Variants in IL5RA observed in about 807,000 individuals in gnomAD.
The protein encoded by IL5RA is interleukin 5 receptor subunit alpha, also known as interleukin-5 receptor subunit alpha.
IL5RA carries 49 observed loss-of-function variants against 50.0 expected under a neutral mutation model. That is an observed-to-expected ratio of 0.98 (90% confidence interval 0.78 to 1.24). IL5RA has a LOEUF of 1.24. IL5RA is among the 50% of genes most tolerant of loss of function. The pLI, the probability that IL5RA is intolerant of heterozygous loss-of-function variation, is 0.00. For missense variants in IL5RA, 600 were observed against 500.4 expected (o/e 1.20, Z -1.90); for synonymous variants, 202 against 174.0 (o/e 1.16, Z -1.26).
At chr3:3,100,489 A>G (rs9831572) in intron 5 of IL5RA, among the ~76,000 whole-genome samples, 103,787 of 152,086 alleles carry the variant, frequency 0.68, 35,539 homozygotes, top group South Asian at 0.84. Context: ...ATATTTGTCC[A>G]TGCATTAAAT....
chr3:3,101,689 T>C lies in IL5RA; in HGVS notation c.367+3A>G, dbSNP rs571768918. On this transcript the variant is annotated splice_donor_region_variant and intron_variant, in intron 5 of 11. Transcript: ENST00000446632. ...AAACTGGACTTTTGGAGGCCTGCTT[T>C]ACCTGGTGGGGCATGAAGTTCAGCA... 4.3e-6 allele frequency: 7 copies of C among 1,612,056 alleles called. No homozygotes were observed. The South Asian group carries it at 6.6e-5, about 15-fold the overall frequency.
rs771776256 is a variant in IL5RA, at chr3:3,101,716, A to C, written c.343T>G (p.Ser115Ala). The C allele has an allele frequency of 1.9e-6, 3 of 1,614,112 alleles. No homozygotes were observed. The highest frequency in any genetic ancestry group is 1.1e-5 in the South Asian group (1 of 91,070). The change falls in exon 5 of 12, where the codon TCT (serine) becomes GCT (alanine). Residue 115 changes from serine to alanine, a missense_variant. Transcript: ENST00000446632. ...DHSLLASSWASAELHAPPGSP... is the reference protein window; with the variant it reads ...DHSLLASSWAAAELHAPPGSP... ...CCTGGTGGGGCATGAAGTTCAGCAGAAGCCCAGCTGCTGGCCAGTAGTGAG... is the reference window on the plus strand; with the variant it reads ...CCTGGTGGGGCATGAAGTTCAGCAGCAGCCCAGCTGCTGGCCAGTAGTGAG...
intron 4 of IL5RA, 52 bp downstream of exon 4, chr3:3,102,623 T>C: frequency 7.8e-7 from 1 of 1,281,814 alleles, no homozygotes; most frequent in Non-Finnish European, 1.1e-6. Flanking sequence ...GAAAATGCAG[T>C]CAAAATGCAT....
chr3:3,090,530 A>G (rs1703042749), intron 9 of IL5RA, among the ~76,000 whole-genome samples: 1 of 148,808 alleles, frequency 6.7e-6, no homozygotes, highest in Non-Finnish European at 1.5e-5. Flanking sequence ...AATAGCAAAC[A>G]CAGGGTTTGA....
chr3:3,085,440 A>C (rs1181941493), intron 9 of IL5RA, among the ~76,000 whole-genome samples: 3 of 152,184 alleles, frequency 2.0e-5, no homozygotes, highest in Admixed American at 1.3e-4. Context: ...AACAAGAAAA[A>C]GCTGCTGAAG....
chr3:3,070,743 C>T (rs1369653685), intron 11 of IL5RA, among the ~76,000 whole-genome samples: 4 of 151,796 alleles, frequency 2.6e-5, no homozygotes, highest in Non-Finnish European at 4.4e-5. Flanking sequence ...CCACCATGCC[C>T]GGCTAATTTT....
chr3:3,082,218 G>T (rs893827972), intron 9 of IL5RA, among the ~76,000 whole-genome samples: 2 of 152,166 alleles, frequency 1.3e-5, no homozygotes, highest in Non-Finnish European at 2.9e-5. Context: ...AAATTTGGGA[G>T]ATCCCGTAGT....
At chr3:3,082,967 T>C (rs1423154162) in intron 9 of IL5RA, among the ~76,000 whole-genome samples, 3 of 152,322 alleles carry the variant, frequency 2.0e-5, no homozygotes, top group East Asian at 1.9e-4. Flanking sequence ...AGTAAATTGA[T>C]GGGATGCTTC....
intron 11 of IL5RA, among the ~76,000 whole-genome samples, chr3:3,070,687 A>T (rs569479294): frequency 6.9e-6 from 1 of 145,580 alleles, no homozygotes; most frequent in African/African-American, 2.6e-5. Flanking sequence ...GGTTCAAGTG[A>T]TTCTCCTGCC....
intron 7 of IL5RA, among the ~76,000 whole-genome samples, chr3:3,096,323 T>C (rs1379943783): frequency 4.0e-5 from 6 of 149,250 alleles, no homozygotes; most frequent in African/African-American, 1.5e-4. Flanking sequence ...TGGATTGGGC[T>C]AAATTTGTCT....
At chr3:3,077,213 G>C (rs1292634437) in intron 9 of IL5RA, among the ~76,000 whole-genome samples, 1 of 152,202 alleles carries the variant, frequency 6.6e-6, no homozygotes, top group Non-Finnish European at 1.5e-5. Context: ...CATTAAGTCA[G>C]TACAGAAAGT....
intron 8 of IL5RA, 148 bp downstream of exon 8, chr3:3,095,151 G>C: frequency 1.6e-6 from 1 of 613,228 alleles, no homozygotes; most frequent in Non-Finnish European, 2.8e-6. Context: ...TATCTATTTG[G>C]TTATATCTAT....
At chr3:3,074,671 T>C (rs1255175537) in intron 11 of IL5RA, 111 bp downstream of exon 11, 2 of 620,298 alleles carry the variant, frequency 3.2e-6, no homozygotes, top group African/African-American at 3.8e-5. Flanking sequence ...GCTCCTGGCC[T>C]TCTGAGTAAA....
intron 9 of IL5RA, among the ~76,000 whole-genome samples, chr3:3,084,792 T>A (rs1702792522): frequency 1.3e-5 from 2 of 152,262 alleles, no homozygotes. Flanking sequence ...CCTCTCTGCA[T>A]CTGTTTTCTC....
intron 9 of IL5RA, among the ~76,000 whole-genome samples, chr3:3,090,490 C>G (rs1345742909): frequency 6.6e-6 from 1 of 151,390 alleles, no homozygotes; most frequent in African/African-American, 2.4e-5. Flanking sequence ...TCATACAATG[C>G]CTATGTTGAC....
Position 3,098,243 on chromosome 3 carries a change from T to C in IL5RA, c.415A>G (p.Thr139Ala). ...IVNLTCTTNTTEDNYSRLRSY... is the reference protein window; with the variant it reads ...IVNLTCTTNTAEDNYSRLRSY... ...CTTAAACGTGAATAATTGTCTTCTG[T>C]AGTGTTTGTGGTGCAAGTTAAATTC... Residue 139 changes from threonine (T) to alanine (A), a missense_variant, in exon 6 of 12, where the codon ACA becomes GCA. By Grantham distance (58) the Thr-to-Ala change is moderately conservative. Coordinates refer to ENST00000446632, the MANE Select transcript of IL5RA (RefSeq NM_175726.4). 1 of 1,614,064 alleles carries C rather than the reference T, an allele frequency of 6.2e-7. No homozygotes were observed. The highest frequency in any genetic ancestry group is 8.5e-7 in the Non-Finnish European group (1 of 1,179,910).
chr3:3,068,599 A>AAAAAAC lies in IL5RA; in HGVS notation c.*1625_*1626insGTTTTT, dbSNP rs1702199298. 1 of 129,642 alleles carries AAAAAAC rather than the reference A, an allele frequency of 7.7e-6. No homozygotes were observed. The allele number at this position is 129,642 out of a possible 1,614,324, so 8.0% of individuals were successfully genotyped here. Reference sequence around the variant, plus strand: ...ACCACCCACCCCACAAAAAAAAAAAAAAAAAAAAACAAAAACAGGTTTGAG... The same window carrying AAAAAAC: ...ACCACCCACCCCACAAAAAAAAAAAAAAAAACAAAAAAAAACAAAAACAGGTTTGAG... On this transcript the variant is annotated 3_prime_UTR_variant, in exon 12 of 12. Coordinates refer to ENST00000446632, the MANE Select transcript of IL5RA (RefSeq NM_175726.4).
Position 3,107,692 on chromosome 3 carries a change from TTGCTCATATAAC to T in IL5RA, c.-4+846_-4+857del, listed in dbSNP as rs1409839536. Among the ~76,000 whole-genome samples, 7 of 152,348 alleles carry T rather than the reference TTGCTCATATAAC, an allele frequency of 4.6e-5. No homozygotes were observed. The South Asian group carries it at 6.2e-4, about 14-fold the overall frequency. On this transcript the variant is annotated intron_variant, in intron 2 of 11. Transcript: ENST00000446632. ...GAGAAATCATGATCTCATGATCTAC[TTGCTCATATAAC>T]ATTTCATTGAGTCAATCTAAAATTC...
chr3:3,070,536 G>C (rs919147809), intron 11 of IL5RA, among the ~76,000 whole-genome samples: 2 of 123,364 alleles, frequency 1.6e-5, no homozygotes, highest in Non-Finnish European at 3.4e-5. Context: ...TAGGCATAAT[G>C]TTTTCTTTAG....
Sources: gnomAD v4.1 joint callset for allele counts (sites outside exome capture counted in the v4.1 genomes callset) on GRCh38, gnomAD v4.1.1 for gene constraint, MANE v1.5 for transcripts, NCBI Gene and HGNC (gene_info 2026-07-23, HGNC 2026-07-21) for gene names.